Variants in PTPRD observed in about 807,000 individuals in gnomAD.
The protein encoded by PTPRD is protein tyrosine phosphatase receptor type D.
In PTPRD, 34 loss-of-function variants were observed where a neutral mutation model predicts 214.5. The observed-to-expected ratio is 0.16, with a 90% confidence interval of 0.12 to 0.21. The LOEUF (loss-of-function observed/expected upper bound fraction) is 0.21, where lower values mean the gene tolerates loss of function less well. Ranked by LOEUF, PTPRD falls within the 10% of genes least tolerant of loss-of-function variation. The probability of loss-of-function intolerance (pLI) is 1.00; values close to 1 mark genes in which losing one functional copy is unlikely to be tolerated. For missense variants in PTPRD, 2,545 were observed against 2,398.7 expected (o/e 1.06, Z -1.27); for synonymous variants, 1,128 against 845.7 (o/e 1.33, Z -5.79).
intron 34 of PTPRD, among the ~76,000 whole-genome samples, chr9:8,441,723 A>G (rs1308711632): frequency 6.6e-6 from 1 of 151,818 alleles, no homozygotes; most frequent in African/African-American, 2.4e-5. Flanking sequence ...GGGTTCATCT[A>G]CCTCCCCTTC....
At chr9:8,550,741 A>G (rs2081827721) in intron 14 of PTPRD, among the ~76,000 whole-genome samples, 1 of 152,216 alleles carries the variant, frequency 6.6e-6, no homozygotes. Flanking sequence ...TTCTTAATAG[A>G]TCCATTGGCC....
At chr9:9,592,728 C>A (rs9407430) in intron 7 of PTPRD, among the ~76,000 whole-genome samples, 1 of 151,716 alleles carries the variant, frequency 6.6e-6, no homozygotes, top group Non-Finnish European at 1.5e-5. Context: ...ATTGCTAAAA[C>A]CAATGTAATA....
chr9:9,194,984 C>T (rs548243455), intron 9 of PTPRD, among the ~76,000 whole-genome samples: 19 of 148,256 alleles, frequency 1.3e-4, no homozygotes, highest in African/African-American at 3.2e-4. Context: ...TTGAACCCTA[C>T]GTGTGTGTGT....
intron 3 of PTPRD, among the ~76,000 whole-genome samples, chr9:10,135,778 CTT>C (rs1199194205): frequency 6.6e-6 from 1 of 151,886 alleles, no homozygotes; most frequent in African/African-American, 2.4e-5. Flanking sequence ...TGAAAACACA[CTT>C]AAGTACATTT....
At chr9:8,538,581 T>C (rs891096905) in intron 14 of PTPRD, among the ~76,000 whole-genome samples, 1 of 151,518 alleles carries the variant, frequency 6.6e-6, no homozygotes, top group Admixed American at 6.6e-5. Context: ...TTGGAACTAA[T>C]AGTGTTGGTG....
intron 39 of PTPRD, among the ~76,000 whole-genome samples, chr9:8,346,813 G>A (rs746805476): frequency 2.6e-5 from 4 of 152,134 alleles, no homozygotes; most frequent in Non-Finnish European, 5.9e-5. Flanking sequence ...AAGAGAAATC[G>A]TATGCTGAGG....
intron 5 of PTPRD, among the ~76,000 whole-genome samples, chr9:9,859,459 AG>A (rs2062231573): frequency 6.6e-6 from 1 of 152,208 alleles, no homozygotes; most frequent in Non-Finnish European, 1.5e-5. Flanking sequence ...GACGGGCAGA[AG>A]AAAACATGCT....
intron 11 of PTPRD, among the ~76,000 whole-genome samples, chr9:8,810,791 G>A (rs546918507): frequency 3.0e-4 from 45 of 152,106 alleles, no homozygotes; most frequent in Non-Finnish European, 5.1e-4. Flanking sequence ...GAGAAAAGTG[G>A]GACAAAGGAA....
intron 7 of PTPRD, among the ~76,000 whole-genome samples, chr9:9,709,324 T>G (rs1194970237): frequency 2.0e-5 from 3 of 151,982 alleles, no homozygotes; most frequent in Non-Finnish European, 4.4e-5. Context: ...TCAACTAATA[T>G]GACTTTCTAT....
intron 14 of PTPRD, among the ~76,000 whole-genome samples, chr9:8,566,699 T>C (rs2089370434): frequency 6.6e-6 from 1 of 152,170 alleles, no homozygotes; most frequent in Admixed American, 6.5e-5. Context: ...CTCATGATTA[T>C]TTGCCAAATA....
rs1320433070 is a variant in PTPRD at position 8,936,608 on chromosome 9, C to T, written c.-104+82089G>A. On this transcript the variant is annotated intron_variant, in intron 11 of 45. Coordinates refer to ENST00000381196, the MANE Select transcript of PTPRD (RefSeq NM_002839.4). Reference sequence around the variant, plus strand: ...TGCTTTGAGGAACTGGAAACTTCAACTGACTATTTACAGGGAATAGAAACA... The same window carrying T: ...TGCTTTGAGGAACTGGAAACTTCAATTGACTATTTACAGGGAATAGAAACA... Among the ~76,000 whole-genome samples, 3 of 152,006 alleles carry T rather than the reference C, an allele frequency of 2.0e-5. No homozygotes were observed. The South Asian group carries it at 6.2e-4, about 32-fold the overall frequency.
chr9:8,587,665 A>G (rs1323365529), intron 14 of PTPRD, among the ~76,000 whole-genome samples: 2 of 152,232 alleles, frequency 1.3e-5, no homozygotes, highest in African/African-American at 4.8e-5. Flanking sequence ...GAAAATAAAG[A>G]TATGCTTAGG....
chr9:8,878,604 C>T (rs954468120), intron 11 of PTPRD, among the ~76,000 whole-genome samples: 6 of 151,930 alleles, frequency 3.9e-5, no homozygotes, highest in Non-Finnish European at 4.4e-5. Context: ...AATAGCTCAT[C>T]GTGGTCTCAA....
At chr9:9,377,262 C>A (rs901003159) in intron 9 of PTPRD, among the ~76,000 whole-genome samples, 1 of 151,948 alleles carries the variant, frequency 6.6e-6, no homozygotes, top group African/African-American at 2.4e-5. Flanking sequence ...ATTACTATAA[C>A]TATATAAGGA....
chr9:8,347,068 T>C (rs1224949766), intron 39 of PTPRD, among the ~76,000 whole-genome samples: 1 of 151,768 alleles, frequency 6.6e-6, no homozygotes, highest in Non-Finnish European at 1.5e-5. Context: ...ACTGGGGATG[T>C]TGGATCATAT....
chr9:9,088,581 G>GAAAAAAAAAAAAAAAAAA lies in PTPRD; in HGVS notation c.-142-69864_-142-69847dup, dbSNP rs533619970. ...GGCGACAGAGTGAGACTTAGTCTCA[G>GAAAAAAAAAAAAAAAAAA]AAAAAAAAAAAAAAAAAAAAAAAAA... On this transcript the variant is annotated intron_variant, in intron 10 of 45. Transcript: ENST00000381196. 7.9e-4 allele frequency among the ~76,000 whole-genome samples: 26 copies of GAAAAAAAAAAAAAAAAAA among 33,036 alleles called. 5 individuals are homozygous for GAAAAAAAAAAAAAAAAAA. Among genetic ancestry groups the GAAAAAAAAAAAAAAAAAA allele is most frequent in the African/African-American group, 2.1e-3 (22 of 10,620 alleles). The allele number at this position is 33,036 out of a possible 152,430, so 21.7% of individuals were successfully genotyped here.
chr9:9,025,271 T>C (rs1040024607), intron 10 of PTPRD, among the ~76,000 whole-genome samples: 2 of 152,002 alleles, frequency 1.3e-5, no homozygotes, highest in African/African-American at 4.8e-5. Flanking sequence ...ATGGCTAAGA[T>C]TAAGACAAGA....
At chr9:8,618,537 G>A (rs977387789) in intron 14 of PTPRD, among the ~76,000 whole-genome samples, 1 of 151,974 alleles carries the variant, frequency 6.6e-6, no homozygotes, top group Non-Finnish European at 1.5e-5. Context: ...CAATGGTATG[G>A]TATCTTGACA....
At position 8,929,789 on chromosome 9, in the gene PTPRD, A is replaced by ATATATGTGTGTATAT. The variant is rs1567061930; in HGVS notation, c.-104+88907_-104+88908insATATACACACATATA. Among the ~76,000 whole-genome samples, 3 of 118,870 alleles carry ATATATGTGTGTATAT rather than the reference A, an allele frequency of 2.5e-5. No homozygotes were observed. The South Asian group carries it at 7.9e-4, about 31-fold the overall frequency. 78.0% of individuals were successfully genotyped at this position (118,870 alleles called of 152,430 possible). ...TATGTGTATATATATGGGTGTGTAT[A>ATATATGTGTGTATAT]TATGTGTGTGTATATATGTGTATAT... On this transcript the variant is annotated intron_variant, in intron 11 of 45. Coordinates refer to ENST00000381196, the MANE Select transcript of PTPRD (RefSeq NM_002839.4).
Sources: gnomAD v4.1 joint callset for allele counts (sites outside exome capture counted in the v4.1 genomes callset) on GRCh38, gnomAD v4.1.1 for gene constraint, MANE v1.5 for transcripts, NCBI Gene and HGNC (gene_info 2026-07-23, HGNC 2026-07-21) for gene names.